Variants in PEX5L observed in about 807,000 individuals in gnomAD.
PEX5L encodes PEX5-related protein.
Under a neutral mutation model 84.0 loss-of-function variants are expected in PEX5L, and 30 were observed. That is an observed-to-expected ratio of 0.36 (90% CI 0.27 to 0.48). The LOEUF is 0.48. Among genes scored for constraint, PEX5L ranks in the 20% least tolerant of loss-of-function variants. The probability of loss-of-function intolerance (pLI) is 0.99; values close to 1 mark genes in which losing one functional copy is unlikely to be tolerated. For missense variants in PEX5L, 533 were observed against 754.6 expected (o/e 0.71, Z 3.44); for synonymous variants, 270 against 283.1 (o/e 0.95, Z 0.46).
At chr3:179,979,784 G>A (rs570826895) in intron 1 of PEX5L, among the ~76,000 whole-genome samples, 3 of 152,152 alleles carry the variant, frequency 2.0e-5, no homozygotes, top group East Asian at 3.9e-4. Flanking sequence ...TCTGATCCCC[G>A]TTGACACATT....
chr3:179,939,227 T>C (rs780471061), intron 2 of PEX5L, among the ~76,000 whole-genome samples: 1 of 152,094 alleles, frequency 6.6e-6, no homozygotes, highest in African/African-American at 2.4e-5. Flanking sequence ...AAACCAGGAG[T>C]GATCAGCTCT....
intron 8 of PEX5L, among the ~76,000 whole-genome samples, chr3:179,858,626 A>C (rs1046024252): frequency 1.3e-5 from 2 of 152,172 alleles, no homozygotes; most frequent in Non-Finnish European, 2.9e-5. Context: ...CCTACTTAGG[A>C]ACATATATAT....
At chr3:179,869,940 TAC>T (rs1413714141) in intron 7 of PEX5L, among the ~76,000 whole-genome samples, 1 of 152,230 alleles carries the variant, frequency 6.6e-6, no homozygotes, top group Non-Finnish European at 1.5e-5. Flanking sequence ...GATTTCTCTG[TAC>T]ATAGTGAGCT....
At chr3:180,018,620 G>A (rs1790149170) in intron 1 of PEX5L, among the ~76,000 whole-genome samples, 1 of 152,172 alleles carries the variant, frequency 6.6e-6, no homozygotes, top group South Asian at 2.1e-4. Context: ...TTTTAGAGAG[G>A]GGAAGAGCTT....
chr3:179,863,426 T>C (rs1229116952), intron 7 of PEX5L, among the ~76,000 whole-genome samples: 1 of 152,128 alleles, frequency 6.6e-6, no homozygotes, highest in Non-Finnish European at 1.5e-5. Flanking sequence ...AGAAAATATT[T>C]GCTAACCATA....
intron 2 of PEX5L, among the ~76,000 whole-genome samples, chr3:179,970,055 T>G (rs2110223984): frequency 6.6e-6 from 1 of 152,106 alleles, no homozygotes; most frequent in East Asian, 1.9e-4. Context: ...TGCAGTTTTC[T>G]GAACACCAAA....
intron 2 of PEX5L, among the ~76,000 whole-genome samples, chr3:179,947,000 A>C (rs1372245003): frequency 1.3e-5 from 2 of 152,236 alleles, no homozygotes; most frequent in African/African-American, 4.8e-5. Context: ...CCTGGCTACA[A>C]GGGGTTTCAT....
intron 5 of PEX5L, among the ~76,000 whole-genome samples, chr3:179,877,912 G>C (rs962988820): frequency 6.6e-6 from 1 of 152,168 alleles, no homozygotes; most frequent in Non-Finnish European, 1.5e-5. Flanking sequence ...AGGCGTTCCT[G>C]TGTATGCCAC....
Position 179,859,137 on chromosome 3 carries a change from A to T in PEX5L, c.747T>A (p.His249Gln). 1 of 1,613,816 alleles carries T rather than the reference A, an allele frequency of 6.2e-7. No individual in the cohort carries two copies. Among genetic ancestry groups the T allele is most frequent in the South Asian group, 1.1e-5 (1 of 91,078 alleles). ...APTQARLTKE[H>Q]RWGSALLSRN... is the part of the protein sequence containing the mutation. ...TAGAAAGTAATGCGCTTCCCCAGCGATGTTCTTTGGTCAGTCGAGCCTGAA... is the reference window on the plus strand; with the variant it reads ...TAGAAAGTAATGCGCTTCCCCAGCGTTGTTCTTTGGTCAGTCGAGCCTGAA... Residue 249 changes from histidine (H) to glutamine (Q), a missense_variant, in exon 8 of 15, where the codon CAT becomes CAA. His to Gln is a conservative substitution (Grantham distance 24). This residue lies in a region of PEX5L where 259 missense variants were observed against 301.7 expected (regional missense o/e 0.86). Transcript: ENST00000467460.
intron 1 of PEX5L, chr3:179,974,306 T>C (rs1785476921): frequency 2.3e-6 from 1 of 429,754 alleles, no homozygotes; most frequent in African/African-American, 2.2e-5. Flanking sequence ...GGGCAATCAC[T>C]TCCTGTGCTC....
chr3:179,878,948 A>G (rs770817985), intron 5 of PEX5L, among the ~76,000 whole-genome samples: 10 of 152,214 alleles, frequency 6.6e-5, no homozygotes, highest in Non-Finnish European at 1.5e-4. Flanking sequence ...TATGGTAGAT[A>G]CTCAGAGAAA....
intron 8 of PEX5L, among the ~76,000 whole-genome samples, chr3:179,854,102 C>T (rs1166362285): frequency 6.8e-6 from 1 of 146,918 alleles, no homozygotes; most frequent in Admixed American, 6.7e-5. Flanking sequence ...GGTGAAACCT[C>T]ACCTCCCAGA....
At chr3:180,019,158 C>G (rs1184570759) in intron 1 of PEX5L, among the ~76,000 whole-genome samples, 1 of 151,922 alleles carries the variant, frequency 6.6e-6, no homozygotes, top group Admixed American at 6.6e-5. Flanking sequence ...GTGTTTAGGG[C>G]CATGGAATAG....
chr3:179,820,281 A>G, intron 8 of PEX5L: 1 of 300,674 alleles, frequency 3.3e-6, no homozygotes, highest in Non-Finnish European at 6.2e-6. Context: ...ACTAGGCTAC[A>G]TTTTAGGAAG....
At chr3:180,030,511 A>G (rs961667731) in intron 1 of PEX5L, among the ~76,000 whole-genome samples, 36 of 152,224 alleles carry the variant, frequency 2.4e-4, no homozygotes, top group African/African-American at 8.7e-4. Context: ...ATATAGAGTC[A>G]TCATGGTCTC....
chr3:179,969,407 ACT>A (rs1234409117), intron 2 of PEX5L, among the ~76,000 whole-genome samples: 1 of 152,034 alleles, frequency 6.6e-6, no homozygotes, highest in African/African-American at 2.4e-5. Flanking sequence ...TATATGTATA[ACT>A]CATATCTACG....
intron 2 of PEX5L, among the ~76,000 whole-genome samples, chr3:179,960,333 T>C (rs1406882546): frequency 1.3e-5 from 2 of 152,178 alleles, no homozygotes; most frequent in African/African-American, 4.8e-5. Flanking sequence ...ACTCGATGCT[T>C]CAAGGTGTTC....
intron 2 of PEX5L, among the ~76,000 whole-genome samples, chr3:179,960,009 G>T (rs1781609144): frequency 6.6e-6 from 1 of 152,018 alleles, no homozygotes; most frequent in Non-Finnish European, 1.5e-5. Flanking sequence ...TCCATTTTCT[G>T]CCTCTTCTTT....
At chr3:179,994,809 TGAAAAGACTATACTGGCTTA>T (rs1271125251) in intron 1 of PEX5L, among the ~76,000 whole-genome samples, 2 of 152,068 alleles carry the variant, frequency 1.3e-5, no homozygotes, top group African/African-American at 4.8e-5. Flanking sequence ...CAGAAAAATG[TGAAAAGACTATACTGGCTTA>T]GCCCCTAGCC....
Sources: gnomAD v4.1 joint callset for allele counts (sites outside exome capture counted in the v4.1 genomes callset) on GRCh38, gnomAD v4.1.1 for gene constraint, gnomAD v4.1.1 regional missense constraint, MANE v1.5 for transcripts, NCBI Gene and HGNC (gene_info 2026-07-23, HGNC 2026-07-21) for gene names.